GNG7: variants seen among roughly 807,000 people sequenced by gnomAD.
GNG7 encodes guanine nucleotide-binding protein G(I)/G(S)/G(O) subunit gamma-7.
In GNG7, 1 loss-of-function variant was observed where a neutral mutation model predicts 4.0. The ratio of observed to expected loss-of-function variants is 0.25; its 90% confidence interval spans 0.09 to 1.18. The LOEUF is 1.18. GNG7 is among the 50% of genes most tolerant of loss of function. The pLI, the probability that GNG7 is intolerant of heterozygous loss-of-function variation, is 0.50. For missense variants in GNG7, 86 were observed against 91.9 expected, an observed-to-expected ratio of 0.94 and a Z score of 0.26; for synonymous variants, 34 against 36.9, an observed-to-expected ratio of 0.92 and a Z score of 0.29.
Position 2,557,512 on chromosome 19 carries a change from C to A in GNG7, c.-77-2324G>T, listed in dbSNP as rs1384695395. Reference sequence around the variant, plus strand: ...TCCTGCCCAAAGGCACCTGCACTCACAAAAGACTCAGAGGCTCCGCCTGGC... The same window carrying A: ...TCCTGCCCAAAGGCACCTGCACTCAAAAAAGACTCAGAGGCTCCGCCTGGC... On this transcript the variant is annotated intron_variant, in intron 2 of 4. Coordinates refer to ENST00000382159, the MANE Select transcript of GNG7 (RefSeq NM_052847.3). This position sits in a 1 kb window ranked among gnomAD's most constrained non-coding sequence, Gnocchi z 5.1. Among the ~76,000 whole-genome samples, 2 of 152,228 alleles carry A rather than the reference C, an allele frequency of 1.3e-5. No individual in the cohort carries two copies. Among genetic ancestry groups the A allele is most frequent in the African/African-American group, 4.8e-5 (2 of 41,464 alleles).
chr19:2,649,384 C>T lies in GNG7; in HGVS notation c.-134-3104G>A, dbSNP rs1310115240. On this transcript the variant is annotated intron_variant, in intron 1 of 4. Transcript: ENST00000382159. ...GATACATTCAGTGTAGACGCTCACC[C>T]CTAGGAATTATTATTATTATTATTA... 7.0e-5 allele frequency among the ~76,000 whole-genome samples: 5 copies of T among 71,380 alleles called. No individual in the cohort carries two copies. In the South Asian group the frequency reaches 1.3e-3, roughly 19 times the overall value. The allele number at this position is 71,380 out of a possible 152,430, so 46.8% of individuals were successfully genotyped here. A position where few individuals can be genotyped will look rare whatever the true frequency, so the allele number is the denominator to read the frequency against.
intron 2 of GNG7, among the ~76,000 whole-genome samples, chr19:2,604,153 A>G (rs1981302635): frequency 6.6e-6 from 1 of 151,850 alleles, no homozygotes; most frequent in Non-Finnish European, 1.5e-5. Flanking sequence ...CCGGGTCTCG[A>G]GAAGTGCCTG....
Position 2,525,848 on chromosome 19 carries a change from C to T in GNG7, c.-37-5123G>A, listed in dbSNP as rs113977612. Reference sequence around the variant, plus strand: ...TTTTTGAGTCGGAGTCTCGCTCTGTCGCCCAGGCTGAAGTGCGGTGGCGCG... The same window carrying T: ...TTTTTGAGTCGGAGTCTCGCTCTGTTGCCCAGGCTGAAGTGCGGTGGCGCG... On this transcript the variant is annotated intron_variant, in intron 3 of 4. Transcript: ENST00000382159. 6.2e-3 allele frequency among the ~76,000 whole-genome samples: 937 copies of T among 152,092 alleles called. 10 individuals carry two copies. Among genetic ancestry groups the T allele is most frequent in the African/African-American group, 0.021 (885 of 41,488 alleles).
Position 2,661,302 on chromosome 19 carries a change from G to GAAAGAAAGAAAAAGAA in GNG7, c.-134-15023_-134-15022insTTCTTTTTCTTTCTTT. 6.6e-4 allele frequency among the ~76,000 whole-genome samples: 48 copies of GAAAGAAAGAAAAAGAA among 73,122 alleles called. 1 individual carries two copies. Among genetic ancestry groups the GAAAGAAAGAAAAAGAA allele is most frequent in the African/African-American group, 1.1e-3 (20 of 18,500 alleles). The allele number at this position is 73,122 out of a possible 152,430, so 48.0% of individuals were successfully genotyped here. On this transcript the variant is annotated intron_variant, in intron 1 of 4. Transcript: ENST00000382159. The stretch of plus-strand genomic sequence containing the variant: ...AGAAAGAAAGAAAGAAAGAAAGAAA[G>GAAAGAAAGAAAAAGAA]AGAAAGAAAGAAAGAAAGAAAGAAA...
chr19:2,689,489 G>A (rs1432557932), intron 1 of GNG7, among the ~76,000 whole-genome samples: 1 of 151,830 alleles, frequency 6.6e-6, no homozygotes, highest in East Asian at 1.9e-4. Context: ...CGGGTGTGGT[G>A]GTGGACGCCT....
chr19:2,568,841 TGCAAATACAC>T (rs2144778656), intron 2 of GNG7, among the ~76,000 whole-genome samples: 1 of 151,714 alleles, frequency 6.6e-6, no homozygotes, highest in Non-Finnish European at 1.5e-5. Context: ...TATACACATA[TGCAAATACAC>T]ACAAATATAC....
chr19:2,603,170 G>C (rs985791368), intron 2 of GNG7, among the ~76,000 whole-genome samples: 3 of 151,940 alleles, frequency 2.0e-5, no homozygotes, highest in South Asian at 4.2e-4. Context: ...GGGTTCAAGC[G>C]ATCCTCCTGC....
intron 1 of GNG7, among the ~76,000 whole-genome samples, chr19:2,655,428 G>A (rs1982940846): frequency 6.6e-6 from 1 of 152,080 alleles, no homozygotes; most frequent in Non-Finnish European, 1.5e-5. Flanking sequence ...CATTAGTAAA[G>A]ATGGCCGGGT....
intron 1 of GNG7, among the ~76,000 whole-genome samples, chr19:2,701,785 C>G (rs1281662908): frequency 6.6e-6 from 1 of 151,272 alleles, no homozygotes; most frequent in African/African-American, 2.4e-5. Context: ...TTGACTCAAC[C>G]CCTGTTCCCC....
At position 2,680,662 on chromosome 19, in the gene GNG7, G is replaced by A. The variant is rs925513742; in HGVS notation, c.-135+21984C>T. 1.8e-4 allele frequency among the ~76,000 whole-genome samples: 26 copies of A among 143,974 alleles called. No homozygotes were observed. In the Admixed American group the frequency reaches 1.8e-3, roughly 10 times the overall value. The allele number at this position is 143,974 out of a possible 152,430, so 94.5% of individuals were successfully genotyped here. On this transcript the variant is annotated intron_variant, in intron 1 of 4. Transcript: ENST00000382159. ...GAGATCTCAGCCCACTGCAACCTCC[G>A]CCTCCTGGGTTCAAGAGATTCTCCT...
chr19:2,568,546 C>CAT (rs150319699), intron 2 of GNG7, among the ~76,000 whole-genome samples: 10 of 151,826 alleles, frequency 6.6e-5, no homozygotes, highest in Admixed American at 5.3e-4. Context: ...CACACATACA[C>CAT]ATATATATAC....
chr19:2,606,791 C>T (rs986605022), intron 2 of GNG7, among the ~76,000 whole-genome samples: 2 of 150,918 alleles, frequency 1.3e-5, no homozygotes, highest in Non-Finnish European at 2.9e-5. Flanking sequence ...ATGGTGCAGT[C>T]TCTTTGGAAC....
In GNG7 at chr19:2,557,330, CAG is replaced by C. The variant is rs201343316; in HGVS notation, c.-77-2144_-77-2143del. Among the ~76,000 whole-genome samples, 5 of 148,460 alleles carry C rather than the reference CAG, an allele frequency of 3.4e-5. No homozygotes were observed. The highest frequency in any genetic ancestry group is 4.3e-4 in the South Asian group (2 of 4,642). On this transcript the variant is annotated intron_variant, in intron 2 of 4. Transcript: ENST00000382159. The surrounding 1 kb of genome is among the most constrained non-coding windows in gnomAD (Gnocchi z 5.1). ...ACACGCACAGACACACATGTGCACA[CAG>C]ACACACACATGTGCACACACACAGA...
At chr19:2,583,908 A>C (rs75065878) in intron 2 of GNG7, among the ~76,000 whole-genome samples, 11,597 of 152,174 alleles carry the variant, frequency 0.076, 1,099 homozygotes, top group East Asian at 0.36. Flanking sequence ...TAAAAAAAAC[A>C]GATTAAAGAA....
chr19:2,678,431 A>C lies in GNG7; in HGVS notation c.-135+24215T>G, dbSNP rs180942634. On this transcript the variant is annotated intron_variant, in intron 1 of 4. Coordinates refer to ENST00000382159, the MANE Select transcript of GNG7 (RefSeq NM_052847.3). The stretch of plus-strand genomic sequence containing the variant: ...CTGGGCTTGGGCACGGAGTCAAAAA[A>C]GTAACAGAGGAAAAGCCACGGAATG... Among the ~76,000 whole-genome samples the C allele has an allele frequency of 4.0e-3, 617 of 152,346 alleles. 8 individuals carry two copies. The highest frequency in any genetic ancestry group is 0.014 in the African/African-American group (582 of 41,588).
intron 2 of GNG7, among the ~76,000 whole-genome samples, chr19:2,585,058 A>G (rs867559244): frequency 9.4e-6 from 1 of 106,868 alleles, no homozygotes; most frequent in African/African-American, 4.0e-5. Context: ...GAAGGAAGGA[A>G]GGAAGGAGGG....
intron 2 of GNG7, among the ~76,000 whole-genome samples, chr19:2,613,176 G>A (rs562145678): frequency 3.3e-5 from 5 of 152,296 alleles, no homozygotes; most frequent in African/African-American, 1.2e-4. Flanking sequence ...GCTGGTGGCT[G>A]CAGCCTACTT....
intron 1 of GNG7, among the ~76,000 whole-genome samples, chr19:2,659,449 G>A (rs766900467): frequency 6.6e-6 from 1 of 150,832 alleles, no homozygotes; most frequent in Non-Finnish European, 1.5e-5. Context: ...AATTAGCCAG[G>A]CATGGTGGCA....
intron 2 of GNG7, among the ~76,000 whole-genome samples, chr19:2,572,350 G>A (rs893337446): frequency 1.8e-4 from 27 of 152,148 alleles, no homozygotes; most frequent in South Asian, 1.0e-3. Context: ...GACGGGTTTC[G>A]CTACGTTGCC....
Sources: gnomAD v4.1 joint callset for allele counts (sites outside exome capture counted in the v4.1 genomes callset) on GRCh38, gnomAD v4.1.1 for gene constraint, Gnocchi (gnomAD v3.1) non-coding constraint, MANE v1.5 for transcripts, NCBI Gene and HGNC (gene_info 2026-07-23, HGNC 2026-07-21) for gene names.